Variants in GALNT13 observed in about 807,000 individuals in gnomAD.
GALNT13 encodes polypeptide N-acetylgalactosaminyltransferase 13.
A neutral mutation model predicts 64.2 loss-of-function variants in GALNT13; 28 were observed. That is an observed-to-expected ratio of 0.44 (90% CI 0.32 to 0.60). The LOEUF (loss-of-function observed/expected upper bound fraction) is 0.60, where lower values mean the gene tolerates loss of function less well. GALNT13 is among the 20% of genes least tolerant of loss of function. The pLI is 0.05. For missense variants in GALNT13, 577 were observed against 669.8 expected, an observed-to-expected ratio of 0.86 and a Z score of 1.53; for synonymous variants, 214 against 224.6, an observed-to-expected ratio of 0.95 and a Z score of 0.42.
the GALNT13 span, among the ~76,000 whole-genome samples, chr2:153,781,937 C>A: frequency 4.6e-5 from 7 of 152,260 alleles, no homozygotes; most frequent in East Asian, 1.2e-3. Flanking sequence ...CTCTTGCTTA[C>A]CTTAAGCGAA....
chr2:154,057,810 A>G (rs1157804468), intron 3 of GALNT13, among the ~76,000 whole-genome samples: 2 of 152,092 alleles, frequency 1.3e-5, no homozygotes, highest in African/African-American at 4.8e-5. Context: ...TTTCAGTATC[A>G]TTTAGACTTT....
At chr2:153,099,495 C>A in the GALNT13 span, among the ~76,000 whole-genome samples, 3 of 152,012 alleles carry the variant, frequency 2.0e-5, no homozygotes, top group Non-Finnish European at 4.4e-5. Flanking sequence ...ATTTGTTATG[C>A]GTTCTGCTAA....
chr2:153,872,551 C>A (rs1222880433), intron 1 of GALNT13, among the ~76,000 whole-genome samples: 1 of 148,520 alleles, frequency 6.7e-6, no homozygotes, highest in Non-Finnish European at 1.5e-5. Context: ...GACCGCGTGG[C>A]GCGGAACTTT....
At chr2:153,442,623 A>G in the GALNT13 span, among the ~76,000 whole-genome samples, 1 of 152,128 alleles carries the variant, frequency 6.6e-6, no homozygotes, top group Non-Finnish European at 1.5e-5. Flanking sequence ...CAAACATTCA[A>G]GTCTGCTGAA....
the GALNT13 span, among the ~76,000 whole-genome samples, chr2:153,127,538 C>T: frequency 5.1e-4 from 39 of 76,410 alleles, no homozygotes; most frequent in East Asian, 4.4e-4. Flanking sequence ...GTTACTCTTC[C>T]GAGGAACCTG....
At chr2:153,920,552 C>T (rs1689683401) in intron 2 of GALNT13, among the ~76,000 whole-genome samples, 1 of 151,978 alleles carries the variant, frequency 6.6e-6, no homozygotes, top group Admixed American at 6.6e-5. Flanking sequence ...CTAGGAAATA[C>T]CGTGCTGGAC....
At chr2:153,948,859 G>A (rs1558869666) in intron 3 of GALNT13, among the ~76,000 whole-genome samples, 1 of 152,014 alleles carries the variant, frequency 6.6e-6, no homozygotes, top group Non-Finnish European at 1.5e-5. Flanking sequence ...GAGGGCAGGA[G>A]AAGAGAGAAG....
At chr2:154,412,598 A>C (rs1459755829) in intron 11 of GALNT13, among the ~76,000 whole-genome samples, 1 of 151,500 alleles carries the variant, frequency 6.6e-6, no homozygotes, top group African/African-American at 2.4e-5. Flanking sequence ...TTCTCCTTGC[A>C]TAGGAGTTTT....
At chr2:153,436,924 T>C in the GALNT13 span, among the ~76,000 whole-genome samples, 1 of 152,208 alleles carries the variant, frequency 6.6e-6, no homozygotes, top group African/African-American at 2.4e-5. Context: ...TGTTAGGGTG[T>C]CAATTTTGGA....
chr2:153,724,278 T>C, the GALNT13 span, among the ~76,000 whole-genome samples: 1 of 142,560 alleles, frequency 7.0e-6, no homozygotes, highest in Non-Finnish European at 1.5e-5. Context: ...CTGGATCCTT[T>C]CCTTACACCT....
the GALNT13 span, among the ~76,000 whole-genome samples, chr2:153,097,624 T>C: frequency 6.6e-6 from 1 of 152,244 alleles, no homozygotes; most frequent in Non-Finnish European, 1.5e-5. Context: ...CTCTTTTGTC[T>C]GTCAGAGCCT....
chr2:154,309,377 G>C (rs1374283130), intron 9 of GALNT13, among the ~76,000 whole-genome samples: 2 of 152,100 alleles, frequency 1.3e-5, no homozygotes, highest in Non-Finnish European at 2.9e-5. Flanking sequence ...CTCTGTCCTA[G>C]TCTGTTTTGT....
the GALNT13 span, among the ~76,000 whole-genome samples, chr2:153,355,843 T>C: frequency 6.6e-6 from 1 of 152,202 alleles, no homozygotes; most frequent in Non-Finnish European, 1.5e-5. Context: ...AAGTGCTCAG[T>C]AAATGTTATA....
chr2:154,420,443 C>G (rs1362676391), intron 11 of GALNT13, among the ~76,000 whole-genome samples: 1 of 152,098 alleles, frequency 6.6e-6, no homozygotes, highest in Non-Finnish European at 1.5e-5. Context: ...TTTTCTCCAC[C>G]TTGTCTTCAA....
intron 9 of GALNT13, among the ~76,000 whole-genome samples, chr2:154,357,121 T>C (rs2105274246): frequency 6.6e-6 from 1 of 152,030 alleles, no homozygotes; most frequent in South Asian, 2.1e-4. Context: ...TGCAATATAG[T>C]TTTGGGGACG....
intron 3 of GALNT13, among the ~76,000 whole-genome samples, chr2:154,095,038 A>G (rs1702007000): frequency 6.6e-6 from 1 of 151,974 alleles, no homozygotes; most frequent in African/African-American, 2.4e-5. Context: ...TAGAGAAAAT[A>G]CTTACATATG....
chr2:154,021,625 TATAC>T (rs1193061230), intron 3 of GALNT13, among the ~76,000 whole-genome samples: 7 of 151,816 alleles, frequency 4.6e-5, no homozygotes, highest in African/African-American at 1.7e-4. Context: ...GTTTTCTAGA[TATAC>T]AATCATGTCA....
the GALNT13 span, among the ~76,000 whole-genome samples, chr2:153,363,871 C>A: frequency 6.6e-6 from 1 of 152,164 alleles, no homozygotes; most frequent in African/African-American, 2.4e-5. Flanking sequence ...GGAGGGACTC[C>A]TCCCTAACTC....
chr2:154,316,223 G>T (rs1055370782), intron 9 of GALNT13, among the ~76,000 whole-genome samples: 11 of 152,158 alleles, frequency 7.2e-5, no homozygotes, highest in African/African-American at 1.9e-4. Flanking sequence ...TCATTAGTAA[G>T]TGAGCTGTAT....
Sources: gnomAD v4.1 joint callset for allele counts (sites outside exome capture counted in the v4.1 genomes callset) on GRCh38, gnomAD v4.1.1 for gene constraint, MANE v1.5 for transcripts, NCBI Gene and HGNC (gene_info 2026-07-23, HGNC 2026-07-21) for gene names.